CLEC19A: variants seen among roughly 807,000 people sequenced by gnomAD.
The protein encoded by CLEC19A is C-type lectin domain family 19 member A.
In CLEC19A, 21 loss-of-function variants were observed where a neutral mutation model predicts 26.1. The observed-to-expected ratio is 0.80, with a 90% CI of 0.57 to 1.16. The LOEUF (loss-of-function observed/expected upper bound fraction) is 1.16. Among genes scored for constraint, CLEC19A ranks in the 50% most tolerant of loss-of-function variants. The pLI is 0.00. For missense variants in CLEC19A, 224 were observed against 227.6 expected (o/e 0.98, Z 0.10); for synonymous variants, 89 against 88.6 (o/e 1.00, Z -0.03).
chr16:19,302,533 C>T (rs543909443), intron 2 of CLEC19A, among the ~76,000 whole-genome samples: 64 of 152,232 alleles, frequency 4.2e-4, no homozygotes, highest in African/African-American at 1.2e-3. Flanking sequence ...TGTTTTGAAG[C>T]GAAGTATTAG....
At chr16:19,288,552 C>T (rs1398598920) in intron 1 of CLEC19A, among the ~76,000 whole-genome samples, 1 of 152,044 alleles carries the variant, frequency 6.6e-6, no homozygotes, top group Non-Finnish European at 1.5e-5. Flanking sequence ...CAGCCACCCC[C>T]TATGTTTTGG....
rs1288171958 is a variant in CLEC19A at position 19,298,803 on chromosome 16, G to C, written c.219G>C (p.Val73=). 1 of 1,550,566 alleles carries C rather than the reference G, an allele frequency of 6.4e-7. No individual in the cohort carries two copies. Among genetic ancestry groups the C allele is most frequent in the Non-Finnish European group, 8.7e-7 (1 of 1,146,960 alleles). The change falls in exon 2 of 5, where the codon GTG becomes GTC. Residue 73 remains valine (V), a synonymous_variant. Transcript: ENST00000636231. The part of the protein sequence containing the change: ...EADLYCSEFS[V]GRKSAKLASI... ...ACCTCTACTGTTCTGAGTTCTCTGT[G>C]GGCAGGAAGTCCGCCAAGCTGGCCT...
chr16:19,291,138 G>A (rs772644438), intron 1 of CLEC19A, among the ~76,000 whole-genome samples: 1 of 152,180 alleles, frequency 6.6e-6, no homozygotes, highest in South Asian at 2.1e-4. Flanking sequence ...CACTGCACCT[G>A]GCCTGTGCTT....
At chr16:19,295,185 G>A (rs1044806187) in intron 1 of CLEC19A, among the ~76,000 whole-genome samples, 6 of 152,146 alleles carry the variant, frequency 3.9e-5, no homozygotes, top group South Asian at 2.1e-4. Context: ...TGCCCAGGAT[G>A]TGGGACTCTC....
At chr16:19,300,356 A>C (rs1897794020) in intron 2 of CLEC19A, among the ~76,000 whole-genome samples, 1 of 151,964 alleles carries the variant, frequency 6.6e-6, no homozygotes, top group African/African-American at 2.4e-5. Context: ...CAAGACCTGC[A>C]CAGGCAACAC....
At chr16:19,306,857 T>C (rs1044011961) in intron 3 of CLEC19A, among the ~76,000 whole-genome samples, 2 of 152,184 alleles carry the variant, frequency 1.3e-5, no homozygotes, top group African/African-American at 4.8e-5. Flanking sequence ...AGAAGTAGCA[T>C]GCTATTCCCA....
chr16:19,288,350 G>A (rs572356272), intron 1 of CLEC19A, among the ~76,000 whole-genome samples: 7 of 152,216 alleles, frequency 4.6e-5, no homozygotes, highest in Non-Finnish European at 8.8e-5. Context: ...GGCCCCGGCC[G>A]ACCATGAGAA....
intron 4 of CLEC19A, 124 bp downstream of exon 4, chr16:19,307,801 C>A: frequency 7.6e-7 from 1 of 1,309,336 alleles, no homozygotes; most frequent in Non-Finnish European, 1.0e-6. Flanking sequence ...AATTGTTCAG[C>A]ACCTTGGAGA....
At chr16:19,289,470 G>A (rs948963795) in intron 1 of CLEC19A, among the ~76,000 whole-genome samples, 6 of 152,098 alleles carry the variant, frequency 3.9e-5, no homozygotes, top group South Asian at 2.1e-4. Context: ...TTTTAGAGGC[G>A]CTAGTCTGTT....
At chr16:19,306,433 C>T (rs1160819577) in intron 3 of CLEC19A, among the ~76,000 whole-genome samples, 1 of 152,100 alleles carries the variant, frequency 6.6e-6, no homozygotes, top group Non-Finnish European at 1.5e-5. Context: ...AGGCATGAGC[C>T]ACCATGCCTG....
At chr16:19,298,191 G>A (rs1277378853) in intron 1 of CLEC19A, among the ~76,000 whole-genome samples, 1 of 148,168 alleles carries the variant, frequency 6.7e-6, no homozygotes, top group Non-Finnish European at 1.5e-5. Context: ...GCGGTGAGCC[G>A]AGATGGCACC....
At chr16:19,290,979 C>T (rs949911669) in intron 1 of CLEC19A, among the ~76,000 whole-genome samples, 2 of 152,084 alleles carry the variant, frequency 1.3e-5, no homozygotes, top group Non-Finnish European at 2.9e-5. Flanking sequence ...GCTGGGACTA[C>T]AGGCATGTGC....
At chr16:19,301,664 A>G (rs1897822991) in intron 2 of CLEC19A, among the ~76,000 whole-genome samples, 1 of 149,120 alleles carries the variant, frequency 6.7e-6, no homozygotes, top group Non-Finnish European at 1.5e-5. Flanking sequence ...CCTGGGTTCA[A>G]GTGATTCCCC....
intron 1 of CLEC19A, among the ~76,000 whole-genome samples, chr16:19,288,964 T>TGG (rs1358300109): frequency 1.3e-5 from 2 of 152,310 alleles, no homozygotes; most frequent in East Asian, 3.9e-4. Flanking sequence ...TGACCCAGAC[T>TGG]GTTTCTACTG....
chr16:19,298,318 A>C (rs892179732), intron 1 of CLEC19A, among the ~76,000 whole-genome samples: 1 of 151,624 alleles, frequency 6.6e-6, no homozygotes, highest in Non-Finnish European at 1.5e-5. Context: ...TGGGAGGCTG[A>C]AGCAGGAGGA....
At chr16:19,302,747 C>A (rs1386789562) in intron 2 of CLEC19A, among the ~76,000 whole-genome samples, 1 of 152,202 alleles carries the variant, frequency 6.6e-6, no homozygotes, top group Non-Finnish European at 1.5e-5. Context: ...CCTCTACAAA[C>A]AACCTGTTTC....
chr16:19,293,805 C>T (rs939831672), intron 1 of CLEC19A, among the ~76,000 whole-genome samples: 2 of 152,058 alleles, frequency 1.3e-5, no homozygotes, highest in African/African-American at 4.8e-5. Context: ...TTATGGGGTA[C>T]ATGAGATATT....
At chr16:19,304,209 T>C (rs1273739993) in intron 3 of CLEC19A, 54 bp downstream of exon 3, 1 of 1,446,598 alleles carries the variant, frequency 6.9e-7, no homozygotes, top group Admixed American at 2.0e-5. Flanking sequence ...AGGATTCTAT[T>C]TTGATTTAAT....
chr16:19,287,669 C>G (rs770094746), intron 1 of CLEC19A, among the ~76,000 whole-genome samples: 3 of 152,162 alleles, frequency 2.0e-5, no homozygotes, highest in Non-Finnish European at 4.4e-5. Flanking sequence ...GCGGGAGTAA[C>G]TAGGGGTATT....
Sources: gnomAD v4.1 joint callset for allele counts (sites outside exome capture counted in the v4.1 genomes callset) on GRCh38, gnomAD v4.1.1 for gene constraint, MANE v1.5 for transcripts, NCBI Gene and HGNC (gene_info 2026-07-23, HGNC 2026-07-21) for gene names.